Variants in AKAP9 observed in about 807,000 individuals in gnomAD.
AKAP9 encodes A-kinase anchoring protein 9, also known as A-kinase anchor protein 9.
Under a neutral mutation model 488.5 loss-of-function variants are expected in AKAP9, and 311 were observed. That is an observed-to-expected ratio of 0.64 (90% CI 0.58 to 0.70). The LOEUF (loss-of-function observed/expected upper bound fraction) is 0.70, where lower values mean the gene tolerates loss of function less well. Among genes scored for constraint, AKAP9 ranks in the 30% least tolerant of loss-of-function variants. The pLI is 0.00. For missense variants in AKAP9, 4,215 were observed against 4,374.5 expected, an observed-to-expected ratio of 0.96 and a Z score of 1.03; for synonymous variants, 1,462 against 1,483.5, an observed-to-expected ratio of 0.99 and a Z score of 0.33.
chr7:92,015,301 C>T (rs139213029), intron 10 of AKAP9, among the ~76,000 whole-genome samples: 3 of 151,634 alleles, frequency 2.0e-5, no homozygotes, highest in African/African-American at 4.8e-5. Context: ...CGGAACAACG[C>T]GTCAAATATT....
At chr7:91,986,538 T>G (rs995273198) in intron 3 of AKAP9, among the ~76,000 whole-genome samples, 1 of 152,208 alleles carries the variant, frequency 6.6e-6, no homozygotes, top group African/African-American at 2.4e-5. Flanking sequence ...GAACGGATCC[T>G]CACAAATTTT....
chr7:92,068,461 C>T (rs1299901764), intron 26 of AKAP9, among the ~76,000 whole-genome samples: 1 of 150,578 alleles, frequency 6.6e-6, no homozygotes, highest in Non-Finnish European at 1.5e-5. Flanking sequence ...AAAAAGTAGT[C>T]GTTTGTTGTA....
chr7:92,047,950 T>C (rs1183532166), intron 21 of AKAP9, among the ~76,000 whole-genome samples: 2 of 152,190 alleles, frequency 1.3e-5, no homozygotes, highest in East Asian at 3.8e-4. Flanking sequence ...CAACCACTAA[T>C]ATTACTGGGG....
intron 28 of AKAP9, among the ~76,000 whole-genome samples, chr7:92,074,168 T>A (rs1812176935): frequency 6.6e-6 from 1 of 151,934 alleles, no homozygotes; most frequent in African/African-American, 2.4e-5. Context: ...TTAAACAAAT[T>A]TACAAGAAAA....
In AKAP9 at chr7:92,105,736, A is replaced by G. The variant is rs1161774629; in HGVS notation, c.11389A>G (p.Asn3797Asp). 1 of 1,614,152 alleles carries G rather than the reference A, an allele frequency of 6.2e-7. No individual in the cohort carries two copies. Among genetic ancestry groups the G allele is most frequent in the Admixed American group, 1.7e-5 (1 of 60,030 alleles). The change falls in exon 47 of 50, where the codon AAC becomes GAC. Residue 3797 changes from asparagine (N) to aspartate (D), a missense_variant. By Grantham distance (23) the Asn-to-Asp change is conservative (BLOSUM62 1). This residue lies in a region of AKAP9 where 253 missense variants were observed against 266.8 expected (regional missense o/e 0.95). Coordinates refer to ENST00000356239, the MANE Select transcript of AKAP9 (RefSeq NM_005751.5). Reference sequence around the variant, plus strand: ...CACAGGTTCTGTTTCCATCAATATTAACAGAGATGGCTTTGGACTGAATCA... The same window carrying G: ...CACAGGTTCTGTTTCCATCAATATTGACAGAGATGGCTTTGGACTGAATCA... ...RVTGSVSININRDGFGLNQGA... is the reference protein window; with the variant it reads ...RVTGSVSINIDRDGFGLNQGA...
chr7:92,041,444 T>C (rs1247545631), intron 18 of AKAP9: 1 of 154,070 alleles, frequency 6.5e-6, no homozygotes, highest in African/African-American at 2.4e-5. Context: ...AAACATCTCT[T>C]CTTGATTTGA....
Position 92,102,715 on chromosome 7 carries a change from T to C in AKAP9, c.11219T>C (p.Leu3740Pro). 1 of 1,614,230 alleles carries C rather than the reference T, an allele frequency of 6.2e-7. No homozygotes were observed. The highest frequency in any genetic ancestry group is 8.5e-7 in the Non-Finnish European group (1 of 1,180,026). The change falls in exon 46 of 50, where the codon CTT becomes CCT. Residue 3740 changes from leucine to proline, a missense_variant. Leu to Pro is a moderately conservative substitution (Grantham distance 98). Around this residue, in one of 5 missense-constraint regions of AKAP9, gnomAD observed 253 missense variants for 266.8 expected, o/e 0.95. Coordinates refer to ENST00000356239, the MANE Select transcript of AKAP9 (RefSeq NM_005751.5). Reference protein sequence around the residue: ...QECEDATLALLARMGGQPAFT... With the variant: ...QECEDATLALPARMGGQPAFT... ...TGTGAAGATGCCACCTTGGCCCTGC[T>C]TGCCCGGATGGGGGGGCAGCCAGCT...
At chr7:92,065,073 A>G (rs1313190223) in intron 24 of AKAP9, among the ~76,000 whole-genome samples, 158 bp from the exon 25 acceptor site, 1 of 152,010 alleles carries the variant, frequency 6.6e-6, no homozygotes, top group Non-Finnish European at 1.5e-5. Flanking sequence ...TTTTAATATA[A>G]TTTTGATACT....
At chr7:91,997,700 AAG>A (rs1390558963) in intron 7 of AKAP9, among the ~76,000 whole-genome samples, 9 of 152,208 alleles carry the variant, frequency 5.9e-5, no homozygotes, top group African/African-American at 2.2e-4. Flanking sequence ...ACTAGGTGAG[AAG>A]AGCCTGGAGA....
Position 91,995,660 on chromosome 7 carries a change from C to T in AKAP9, c.790C>T (p.Leu264=). Residue 264 remains leucine (L), a synonymous_variant, in exon 7 of 50, where the codon CTA becomes TTA. Transcript: ENST00000356239. ...STHSSTAADL[L]QAKQQILTHQ... is the part of the protein sequence containing the mutation. ...TCATAGTAGCACAGCTGCAGACTTA[C>T]TACAAGCCAAACAACAGATCCTCAC... is the stretch of plus-strand genomic sequence containing the variant. The T allele has an allele frequency of 6.2e-7, 1 of 1,614,144 alleles. No individual in the cohort carries two copies. The highest frequency in any genetic ancestry group is 8.5e-7 in the Non-Finnish European group (1 of 1,180,032).
chr7:92,072,362 A>G (rs545764525), intron 28 of AKAP9, among the ~76,000 whole-genome samples: 3 of 152,292 alleles, frequency 2.0e-5, no homozygotes, highest in African/African-American at 4.8e-5. Context: ...AGCTGACCCT[A>G]ATAACAGTAA....
At chr7:91,977,340 A>T (rs1433765284) in intron 2 of AKAP9, among the ~76,000 whole-genome samples, 2 of 152,186 alleles carry the variant, frequency 1.3e-5, no homozygotes, top group African/African-American at 4.8e-5. Context: ...GCAGATCACG[A>T]GGTCAGGAGA....
chr7:92,061,208 T>A, intron 22 of AKAP9, 52 bp from the exon 23 acceptor site: 1 of 1,594,296 alleles, frequency 6.3e-7, no homozygotes, highest in Non-Finnish European at 8.6e-7. Flanking sequence ...GGAATGAAAC[T>A]AGTATTTCCA....
intron 31 of AKAP9, 21 bp downstream of exon 31, chr7:92,080,173 G>C (rs886979339): frequency 2.0e-6 from 3 of 1,526,342 alleles, no homozygotes; most frequent in Non-Finnish European, 2.6e-6. Flanking sequence ...TATTTTATTA[G>C]TTTCATTTAA....
intron 12 of AKAP9, 131 bp from the exon 13 acceptor site, chr7:92,022,107 G>C: frequency 1.4e-6 from 1 of 717,536 alleles, no homozygotes; most frequent in Non-Finnish European, 2.6e-6. Context: ...AAGGGAAAAT[G>C]CTTGTATTAG....
intron 3 of AKAP9, among the ~76,000 whole-genome samples, chr7:91,986,388 C>T (rs900430162): frequency 6.6e-6 from 1 of 152,202 alleles, no homozygotes; most frequent in Non-Finnish European, 1.5e-5. Context: ...TCGGCTCACC[C>T]TCCATGGGCT....
At chr7:91,952,403 A>G (rs75311935) in intron 1 of AKAP9, among the ~76,000 whole-genome samples, 2,208 of 152,344 alleles carry the variant, frequency 0.014, 45 homozygotes, top group African/African-American at 0.051. Context: ...TAAAGAGATA[A>G]TTATAAATAC....
At chr7:91,944,826 T>C (rs556037631) in intron 1 of AKAP9, among the ~76,000 whole-genome samples, 1 of 152,372 alleles carries the variant, frequency 6.6e-6, no homozygotes, top group South Asian at 2.1e-4. Context: ...AGGCCTGGAA[T>C]TGTAATTGCT....
In AKAP9 at chr7:92,001,879, A is replaced by T. The variant is rs1346184684; in HGVS notation, c.1962A>T (p.Lys654Asn). 1 of 1,613,078 alleles carries T rather than the reference A, an allele frequency of 6.2e-7. No individual in the cohort carries two copies. The highest frequency in any genetic ancestry group is 1.7e-5 in the Admixed American group (1 of 59,950). The change falls in exon 8 of 50, where the codon AAA (lysine) becomes AAT (asparagine). Residue 654 changes from lysine (K) to asparagine (N), a missense_variant. Lys to Asn is a moderately conservative substitution (Grantham distance 94). Around this residue, in one of 5 missense-constraint regions of AKAP9, gnomAD observed 2,361 missense variants for 2,430.0 expected, o/e 0.97. Coordinates refer to ENST00000356239, the MANE Select transcript of AKAP9 (RefSeq NM_005751.5). ...LEIEHRINIE[K>N]LKDNLGIHYK... ...TTGAACATCGAATAAATATTGAAAAACTTAAAGATAATTTAGGCATTCACT... is the reference window on the plus strand; with the variant it reads ...TTGAACATCGAATAAATATTGAAAATCTTAAAGATAATTTAGGCATTCACT...
Sources: allele counts gnomAD v4.1 joint callset (sites outside exome capture counted in the v4.1 genomes callset), GRCh38; gene constraint gnomAD v4.1.1; regional missense constraint gnomAD v4.1.1; transcripts MANE v1.5; gene names NCBI Gene and HGNC (gene_info 2026-07-23, HGNC 2026-07-21).